APOH: variants seen among roughly 807,000 people sequenced by gnomAD.
The protein encoded by APOH is apolipoprotein H.
Under a neutral mutation model 39.8 loss-of-function variants are expected in APOH, and 48 were observed. The observed-to-expected ratio is 1.21, with a 90% CI of 0.96 to 1.54. The LOEUF is 1.54. Among genes scored for constraint, APOH ranks in the 40% most tolerant of loss-of-function variants. APOH has a pLI of 0.00. For synonymous variants in APOH, 153 were observed against 151.1 expected, an observed-to-expected ratio of 1.01 and a Z score of -0.09; for missense variants, 415 against 421.2, an observed-to-expected ratio of 0.99 and a Z score of 0.13.
chr17:66,227,937 T>C, intron 2 of APOH, 83 bp downstream of exon 2: 1 of 1,469,846 alleles, frequency 6.8e-7, no homozygotes, highest in Non-Finnish European at 9.3e-7. Context: ...CTCTGCACTC[T>C]GAGCATGACG....
rs943886630 is a variant in APOH, at chr17:66,216,776, A to G, written c.784+12T>C. 6.4e-7 allele frequency: 1 copy of G among 1,567,564 alleles called. No homozygotes were observed. The highest frequency in any genetic ancestry group is 8.6e-7 in the Non-Finnish European group (1 of 1,158,926). On this transcript the variant is annotated intron_variant, in intron 6 of 7. Coordinates refer to ENST00000205948, the MANE Select transcript of APOH (RefSeq NM_000042.3). ...TCAGAGATCTTACAGGACCTCGCCT[A>G]TATTTCCATACCTTTACAACTTGGC... is the stretch of plus-strand genomic sequence containing the variant.
At chr17:66,223,375 T>G (rs8178839) in intron 4 of APOH, among the ~76,000 whole-genome samples, 19,429 of 152,160 alleles carry the variant, frequency 0.13, 1,337 homozygotes, top group African/African-American at 0.18. Context: ...GTCCCTGATA[T>G]ACCAATGCCA....
intron 3 of APOH, among the ~76,000 whole-genome samples, chr17:66,224,621 GAA>G (rs1445537297): frequency 7.3e-6 from 1 of 136,184 alleles, no homozygotes; most frequent in East Asian, 2.4e-4. Context: ...AAGAAAGAAA[GAA>G]AGAAGAAAGG....
Position 66,216,936 on chromosome 17 carries a change from G to A in APOH, c.636C>T (p.Asp212=), listed in dbSNP as rs1046220831. ...EVKCPFPSRP[D]NGFVNYPAKP... is the part of the protein sequence containing the mutation. ...TTGCAGGATAGTTCACAAATCCATT[G>A]TCTGGTCTTGATGGGAATGGGCATT... The change falls in exon 6 of 8, where the codon GAC becomes GAT. Residue 212 remains aspartate (D), a synonymous_variant. Coordinates refer to ENST00000205948, the MANE Select transcript of APOH (RefSeq NM_000042.3). 1.2e-6 allele frequency: 2 copies of A among 1,606,358 alleles called. No homozygotes were observed. The highest frequency in any genetic ancestry group is 1.7e-6 in the Non-Finnish European group (2 of 1,177,224).
At position 66,223,952 on chromosome 17, in the gene APOH, G is replaced by A. The variant is rs537114891; in HGVS notation, c.339-178C>T. On this transcript the variant is annotated intron_variant, in intron 3 of 7. Coordinates refer to ENST00000205948, the MANE Select transcript of APOH (RefSeq NM_000042.3). Reference sequence around the variant, plus strand: ...TGGCTCATGGAGCCTCCCAACCAATGATGCAGGTGAATCACTGCAGGGTTC... The same window carrying A: ...TGGCTCATGGAGCCTCCCAACCAATAATGCAGGTGAATCACTGCAGGGTTC... Among the ~76,000 whole-genome samples the A allele has an allele frequency of 8.5e-5, 13 of 152,246 alleles. No individual in the cohort carries two copies. In the South Asian group the frequency reaches 1.4e-3, roughly 17 times the overall value.
intron 5 of APOH, 91 bp downstream of exon 5, chr17:66,220,462 TG>T: frequency 7.8e-7 from 1 of 1,273,998 alleles, no homozygotes; most frequent in Non-Finnish European, 1.1e-6. Flanking sequence ...ATGAGTTCAT[TG>T]GAAACACTCC....
chr17:66,216,506 C>CAGAGGCAA (rs2073366713), intron 6 of APOH, among the ~76,000 whole-genome samples: 2 of 151,074 alleles, frequency 1.3e-5, no homozygotes, highest in Admixed American at 1.3e-4. Flanking sequence ...AAAGAGTGCT[C>CAGAGGCAA]AGAGGCAAAG....
At position 66,228,126 on chromosome 17, in the gene APOH, T is replaced by G. The variant is rs760724527; in HGVS notation, c.135A>C (p.Glu45Asp). 6.2e-7 allele frequency: 1 copy of G among 1,614,100 alleles called. No individual in the cohort carries two copies. The highest frequency in any genetic ancestry group is 1.1e-5 in the South Asian group (1 of 91,082). The change falls in exon 2 of 8, where the codon GAA (glutamate) becomes GAC (aspartate). Residue 45 changes from glutamate (E) to aspartate (D), a missense_variant. Around this residue, in one of 3 missense-constraint regions of APOH, gnomAD observed 288 missense variants for 284.9 expected, o/e 1.01. Transcript: ENST00000205948. The part of the protein sequence containing the change: ...VPLKTFYEPG[E>D]EITYSCKPGY... The stretch of plus-strand genomic sequence containing the variant: ...CCGGCTTGCAGGAATACGTAATCTC[T>G]TCTCCTGGCTCATAGAATGTTTTTA...
At chr17:66,221,474 T>C (rs1266349554) in intron 4 of APOH, among the ~76,000 whole-genome samples, 2 of 149,098 alleles carry the variant, frequency 1.3e-5, no homozygotes, top group Non-Finnish European at 3.0e-5. Context: ...ACCAAAAAAA[T>C]GAAGGAAATT....
rs568079868 is a variant in APOH, at chr17:66,212,192, T to C, written c.983-4A>G. The C allele has an allele frequency of 1.2e-6, 2 of 1,612,708 alleles. No homozygotes were observed. Among genetic ancestry groups the C allele is most frequent in the East Asian group, 4.5e-5 (2 of 44,844 alleles). On this transcript the variant is annotated splice_region_variant and splice_polypyrimidine_tract_variant and intron_variant, in intron 7 of 7. Coordinates refer to ENST00000205948, the MANE Select transcript of APOH (RefSeq NM_000042.3). ...CAAAAAGCCAGAGAACTGTGTTCTG[T>C]TGGGGGAGAAAAAGATAAACATTCT...
At chr17:66,220,475 T>C (rs1321665994) in intron 5 of APOH, 79 bp downstream of exon 5, 7 of 1,397,816 alleles carry the variant, frequency 5.0e-6, no homozygotes, top group Non-Finnish European at 6.0e-6. Flanking sequence ...AAACACTCCA[T>C]GATAGTCAGA....
At chr17:66,219,412 G>GA (rs778971689) in intron 5 of APOH, among the ~76,000 whole-genome samples, 171 of 149,796 alleles carry the variant, frequency 1.1e-3, no homozygotes, top group Non-Finnish European at 1.8e-3. Context: ...AGGTGAAATT[G>GA]AAAAAAAAAG....
At chr17:66,220,875 T>G in intron 4 of APOH, 133 bp from the exon 5 acceptor site, 10 of 965,160 alleles carry the variant, frequency 1.0e-5, no homozygotes, top group Non-Finnish European at 1.3e-5. Flanking sequence ...AGGGTAAAAA[T>G]TGTCAATTGT....
chr17:66,216,055 G>T (rs8178857), intron 6 of APOH, among the ~76,000 whole-genome samples: 16,346 of 151,796 alleles, frequency 0.11, 909 homozygotes, highest in Middle Eastern at 0.13. Flanking sequence ...ACAAAAAGGG[G>T]TGGGCATGGT....
At chr17:66,227,437 G>T (rs948945976) in intron 2 of APOH, among the ~76,000 whole-genome samples, 1 of 152,076 alleles carries the variant, frequency 6.6e-6, no homozygotes, top group Non-Finnish European at 1.5e-5. Flanking sequence ...AAAGAATAAT[G>T]CTAGCATGAT....
chr17:66,217,344 A>AACCCCCC (rs2073371764), intron 5 of APOH, among the ~76,000 whole-genome samples: 2 of 125,808 alleles, frequency 1.6e-5, no homozygotes, highest in Non-Finnish European at 3.4e-5. Context: ...CAAAGACTGA[A>AACCCCCC]CCCCCCCCCC....
Position 66,228,041 on chromosome 17 carries a change from T to C in APOH, c.220A>G (p.Ile74Val), listed in dbSNP as rs1369699001. The change falls in exon 2 of 8, where the codon ATC becomes GTC. Residue 74 changes from isoleucine (I) to valine (V), a missense_variant. By Grantham distance (29) the Ile-to-Val change is conservative. Coordinates refer to ENST00000205948, the MANE Select transcript of APOH (RefSeq NM_000042.3). ...TTACGTGTACATTTCAGAGTGTTGA[T>C]GGGCCACAGTCCTGTGAGAGGGCAG... is the stretch of plus-strand genomic sequence containing the variant. ...FICPLTGLWP[I>V]NTLKCTPRVC... 1.9e-6 allele frequency: 3 copies of C among 1,613,870 alleles called. No individual in the cohort carries two copies. The highest frequency in any genetic ancestry group is 2.5e-6 in the Non-Finnish European group (3 of 1,179,962).
rs184722051 is a variant in APOH, at chr17:66,227,524, C to T, written c.241+496G>A. On this transcript the variant is annotated intron_variant, in intron 2 of 7. Coordinates refer to ENST00000205948, the MANE Select transcript of APOH (RefSeq NM_000042.3). ...GCCATAGTGAGATTGATATATTTTA[C>T]GTTATATTATTATTTTAATTTGACC... Among the ~76,000 whole-genome samples the T allele has an allele frequency of 5.3e-5, 8 of 152,146 alleles. No individual in the cohort carries two copies. In the East Asian group the frequency reaches 5.8e-4, roughly 11 times the overall value.
At chr17:66,215,996 G>A (rs907513487) in intron 6 of APOH, among the ~76,000 whole-genome samples, 4 of 151,846 alleles carry the variant, frequency 2.6e-5, no homozygotes, top group Admixed American at 2.0e-4. Context: ...GAACTCACTC[G>A]AATGTGTGGT....
Sources: gnomAD v4.1 joint callset for allele counts (sites outside exome capture counted in the v4.1 genomes callset) on GRCh38, gnomAD v4.1.1 for gene constraint, gnomAD v4.1.1 regional missense constraint, MANE v1.5 for transcripts, NCBI Gene and HGNC (gene_info 2026-07-23, HGNC 2026-07-21) for gene names.